Variants in GABRG3 observed in about 807,000 individuals in gnomAD.
GABRG3 encodes the protein gamma-aminobutyric acid type A receptor subunit gamma3, also known as gamma-aminobutyric acid receptor subunit gamma-3.
In GABRG3, 25 loss-of-function variants were observed where a neutral mutation model predicts 48.8. The ratio of observed to expected loss-of-function variants is 0.51; its 90% CI spans 0.37 to 0.72. The LOEUF is 0.72. GABRG3 is among the 30% of genes least tolerant of loss of function. The pLI, the probability that GABRG3 is intolerant of heterozygous loss-of-function variation, is 0.00. For missense variants in GABRG3, 394 were observed against 577.9 expected (o/e 0.68, Z 3.26); for synonymous variants, 227 against 217.6 (o/e 1.04, Z -0.38).
intron 3 of GABRG3, among the ~76,000 whole-genome samples, chr15:27,227,700 AAAC>A (rs1399242368): frequency 1.3e-5 from 2 of 152,096 alleles, no homozygotes; most frequent in African/African-American, 2.4e-5. Flanking sequence ...AAAAAAAAGA[AAAC>A]AACCATGGCA....
At chr15:27,274,293 C>T (rs879598626) in intron 3 of GABRG3, among the ~76,000 whole-genome samples, 8 of 152,136 alleles carry the variant, frequency 5.3e-5, no homozygotes, top group East Asian at 1.9e-4. Flanking sequence ...TGCTGTAACA[C>T]GACACCTGAG....
intron 3 of GABRG3, among the ~76,000 whole-genome samples, chr15:27,223,758 G>T (rs1454590061): frequency 6.6e-6 from 1 of 152,120 alleles, no homozygotes; most frequent in Non-Finnish European, 1.5e-5. Flanking sequence ...TGCCTCCCCT[G>T]CTGGGCAACA....
At chr15:27,193,812 C>T (rs208140) in intron 3 of GABRG3, among the ~76,000 whole-genome samples, 28,473 of 151,136 alleles carry the variant, frequency 0.19, 2,791 homozygotes, top group East Asian at 0.34. Context: ...TTTTCTGCGT[C>T]GCTCACGCTG....
At chr15:27,404,116 G>A (rs1887562454) in intron 5 of GABRG3, among the ~76,000 whole-genome samples, 1 of 152,076 alleles carries the variant, frequency 6.6e-6, no homozygotes, top group Non-Finnish European at 1.5e-5. Flanking sequence ...AGCTACTTGG[G>A]AGGCTGAGGC....
chr15:27,340,868 A>T (rs533120184), intron 5 of GABRG3: 87 of 347,948 alleles, frequency 2.5e-4, no homozygotes, highest in South Asian at 2.3e-3. Flanking sequence ...AAAAAGTCCT[A>T]TGCTACATCT....
chr15:27,165,033 A>G (rs991696720), intron 3 of GABRG3, among the ~76,000 whole-genome samples: 1 of 152,224 alleles, frequency 6.6e-6, no homozygotes, highest in African/African-American at 2.4e-5. Context: ...GTTGTCCAAG[A>G]CATTTAGGAT....
intron 6 of GABRG3, among the ~76,000 whole-genome samples, chr15:27,501,684 T>C (rs1890644169): frequency 6.6e-6 from 1 of 152,172 alleles, no homozygotes; most frequent in Non-Finnish European, 1.5e-5. Flanking sequence ...AATATGCTTA[T>C]GAAACATCTT....
chr15:27,059,232 A>AC (rs1896604916), intron 3 of GABRG3, among the ~76,000 whole-genome samples: 1 of 152,108 alleles, frequency 6.6e-6, no homozygotes, highest in African/African-American at 2.4e-5. Context: ...CCTGAAGGGC[A>AC]CCCCTACTGC....
At chr15:27,494,738 G>A (rs758951771) in intron 6 of GABRG3, among the ~76,000 whole-genome samples, 21 of 152,010 alleles carry the variant, frequency 1.4e-4, no homozygotes, top group Non-Finnish European at 2.9e-4. Context: ...TGGGGGGGCC[G>A]GTTCTCCTAG....
intron 5 of GABRG3, among the ~76,000 whole-genome samples, chr15:27,473,182 G>T (rs916044890): frequency 2.0e-5 from 3 of 152,100 alleles, no homozygotes; most frequent in Non-Finnish European, 2.9e-5. Context: ...GGCTGAAATG[G>T]CACTAACAGC....
intron 3 of GABRG3, among the ~76,000 whole-genome samples, chr15:27,248,826 AGAGAG>A (rs1566979262): frequency 6.1e-5 from 9 of 146,446 alleles, no homozygotes; most frequent in African/African-American, 2.0e-4. Flanking sequence ...AGAGAGAGAG[AGAGAG>A]AGAGACAGAG....
At chr15:27,114,923 G>T (rs1046651999) in intron 3 of GABRG3, among the ~76,000 whole-genome samples, 2 of 152,044 alleles carry the variant, frequency 1.3e-5, no homozygotes, top group Admixed American at 6.6e-5. Context: ...TCATTGCAAA[G>T]ATATTTATTA....
rs1188256495 is a variant in GABRG3, at chr15:26,974,777, AT to A, written c.54-2220del. On this transcript the variant is annotated intron_variant, in intron 1 of 9. Transcript: ENST00000615808. The surrounding 1 kb of genome is among the most constrained non-coding windows in gnomAD (Gnocchi z 4.3). ...CAACCTGCTCTTTAAGTTTTAAAAAATTTTTGCAAGATGATAAAATTAACAT... is the reference window on the plus strand; with the variant it reads ...CAACCTGCTCTTTAAGTTTTAAAAAATTTTGCAAGATGATAAAATTAACAT... Among the ~76,000 whole-genome samples the A allele has an allele frequency of 6.6e-6, 1 of 151,916 alleles. No individual in the cohort carries two copies. The highest frequency in any genetic ancestry group is 2.4e-5 in the African/African-American group (1 of 41,380).
At chr15:27,474,701 A>G (rs968362216) in intron 5 of GABRG3, among the ~76,000 whole-genome samples, 4 of 152,256 alleles carry the variant, frequency 2.6e-5, no homozygotes, top group Non-Finnish European at 5.9e-5. Flanking sequence ...TGAGAAAACT[A>G]TGGAAGACAG....
chr15:27,159,311 A>G (rs1898514684), intron 3 of GABRG3, among the ~76,000 whole-genome samples: 1 of 151,992 alleles, frequency 6.6e-6, no homozygotes, highest in Admixed American at 6.6e-5. Context: ...GCAAAACCCC[A>G]TCTCTACTAA....
chr15:27,091,158 T>C (rs1248676510), intron 3 of GABRG3, among the ~76,000 whole-genome samples: 2 of 152,210 alleles, frequency 1.3e-5, no homozygotes, highest in African/African-American at 4.8e-5. Context: ...TTGAGGAAGT[T>C]CTGCTTCTAG....
chr15:27,370,257 G>C (rs1895363890), intron 5 of GABRG3, among the ~76,000 whole-genome samples: 1 of 152,202 alleles, frequency 6.6e-6, no homozygotes. Context: ...TGAGGTTTGA[G>C]CTAGGCATTT....
rs573508138 is a variant in GABRG3 at position 27,358,093 on chromosome 15, C to T, written c.574+29205C>T. Among the ~76,000 whole-genome samples, 211 of 152,298 alleles carry T rather than the reference C, an allele frequency of 1.4e-3. 1 individual carries two copies. The highest frequency in any genetic ancestry group is 4.5e-3 in the African/African-American group (187 of 41,552). ...TTAAATATTGAGAAGCTACCAGACT[C>T]ATGAAGGTGGATACGAGCTTTCCAA... On this transcript the variant is annotated intron_variant, in intron 5 of 9. Coordinates refer to ENST00000615808, the MANE Select transcript of GABRG3 (RefSeq NM_033223.5).
At position 27,169,352 on chromosome 15, in the gene GABRG3, A is replaced by G. The variant is rs1887486945; in HGVS notation, c.270+142531A>G. On this transcript the variant is annotated intron_variant, in intron 3 of 9. Transcript: ENST00000615808. ...CACTTCCTGGGGAGGGAGGAGGAAT[A>G]CCTTGCAAAGGTGTGAGGCTGGGGA... Among the ~76,000 whole-genome samples, 4 of 152,174 alleles carry G rather than the reference A, an allele frequency of 2.6e-5. No individual in the cohort carries two copies. The South Asian group carries it at 8.3e-4, about 32-fold the overall frequency.
Sources: gnomAD v4.1 joint callset for allele counts (sites outside exome capture counted in the v4.1 genomes callset) on GRCh38, gnomAD v4.1.1 for gene constraint, Gnocchi (gnomAD v3.1) non-coding constraint, MANE v1.5 for transcripts, NCBI Gene and HGNC (gene_info 2026-07-23, HGNC 2026-07-21) for gene names.